The following SLCO3A1 variants were observed in gnomAD, a reference collection of about 807,000 sequenced individuals.
The protein encoded by SLCO3A1 is solute carrier organic anion transporter family member 3A1, also known as PGE1 transporter.
Under a neutral mutation model 63.1 loss-of-function variants are expected in SLCO3A1, and 27 were observed. That is an observed-to-expected ratio of 0.43 (90% CI 0.32 to 0.59). SLCO3A1 has a LOEUF of 0.59. SLCO3A1 is among the 20% of genes least tolerant of loss of function. SLCO3A1 has a pLI of 0.09. For missense variants in SLCO3A1, 773 were observed against 945.8 expected (o/e 0.82, Z 2.40); for synonymous variants, 473 against 409.9 (o/e 1.15, Z -1.86).
intron 2 of SLCO3A1, among the ~76,000 whole-genome samples, chr15:92,080,630 C>T (rs962646335): frequency 6.6e-6 from 1 of 152,178 alleles, no homozygotes; most frequent in African/African-American, 2.4e-5. Context: ...CATGCCCATA[C>T]CAGACAGCAG....
In SLCO3A1 at chr15:91,897,454, A is replaced by G. The variant is rs769660213; in HGVS notation, c.181-18539A>G. Among the ~76,000 whole-genome samples, 3 of 152,140 alleles carry G rather than the reference A, an allele frequency of 2.0e-5. No individual in the cohort carries two copies. The highest frequency in any genetic ancestry group is 2.9e-5 in the Non-Finnish European group (2 of 68,028). ...CAATGGAGCGAGACTCTGTCTAAAA[A>G]CAAACAAACAAACAAACCCCCAAAA... On this transcript the variant is annotated intron_variant, in intron 1 of 9. Transcript: ENST00000318445. The surrounding 1 kb of genome is among the most constrained non-coding windows in gnomAD (Gnocchi z 4.7).
intron 2 of SLCO3A1, among the ~76,000 whole-genome samples, chr15:91,926,596 T>TGTGTGTGTGTGTGTGTGCGCGCGCGCGC: frequency 1.3e-4 from 14 of 105,302 alleles, no homozygotes; most frequent in African/African-American, 5.1e-4. Flanking sequence ...TGTGTGTGTG[T>TGTGTGTGTGTGTGTGTGCGCGCGCGCGC]GCGCGCGCGC....
At chr15:92,063,896 T>C (rs1005159159) in intron 2 of SLCO3A1, among the ~76,000 whole-genome samples, 10 of 152,088 alleles carry the variant, frequency 6.6e-5, no homozygotes, top group Admixed American at 6.5e-4. Flanking sequence ...AGGCATTGTT[T>C]TATTGTTGTT....
In SLCO3A1 at chr15:91,859,081, G is replaced by A. The variant is rs141045157; in HGVS notation, c.180+4993G>A. On this transcript the variant is annotated intron_variant, in intron 1 of 9. Coordinates refer to ENST00000318445, the MANE Select transcript of SLCO3A1 (RefSeq NM_013272.4). This position sits in a 1 kb window ranked among gnomAD's most constrained non-coding sequence, Gnocchi z 5.1. Reference sequence around the variant, plus strand: ...TATGTACTCTATTCTGTACATTGCCGCATGCATTGCATATTTACATACGTG... The same window carrying A: ...TATGTACTCTATTCTGTACATTGCCACATGCATTGCATATTTACATACGTG... 4.0e-3 allele frequency among the ~76,000 whole-genome samples: 616 copies of A among 152,254 alleles called. 2 individuals carry two copies. Among genetic ancestry groups the A allele is most frequent in the African/African-American group, 0.013 (556 of 41,536 alleles).
At chr15:92,093,675 G>T in intron 2 of SLCO3A1, among the ~76,000 whole-genome samples, 1 of 152,154 alleles carries the variant, frequency 6.6e-6, no homozygotes, top group Non-Finnish European at 1.5e-5. Flanking sequence ...TTACTGGTTG[G>T]TTCAATGCTG....
intron 2 of SLCO3A1, among the ~76,000 whole-genome samples, chr15:91,921,195 C>T (rs1277028419): frequency 1.3e-5 from 2 of 152,190 alleles, no homozygotes; most frequent in Non-Finnish European, 2.9e-5. Flanking sequence ...CTACCTGTGT[C>T]CTCACGTGGT....
intron 1 of SLCO3A1, chr15:91,908,631 A>C (rs1346243565): frequency 6.6e-6 from 1 of 152,166 alleles, no homozygotes; most frequent in Non-Finnish European, 1.5e-5. Context: ...CTGCTGCTTC[A>C]TCATGGGGAA....
chr15:92,052,086 G>A (rs757762702), intron 2 of SLCO3A1, among the ~76,000 whole-genome samples: 2 of 152,100 alleles, frequency 1.3e-5, no homozygotes, highest in Non-Finnish European at 2.9e-5. Flanking sequence ...CACACTGCCC[G>A]TGTCCCTGCT....
intron 2 of SLCO3A1, among the ~76,000 whole-genome samples, chr15:91,932,177 A>T (rs1031115086): frequency 2.0e-4 from 31 of 152,176 alleles, no homozygotes; most frequent in Admixed American, 2.0e-3. Context: ...GTGCAAAGTC[A>T]TACCTCCTAG....
intron 9 of SLCO3A1, among the ~76,000 whole-genome samples, chr15:92,153,214 C>T (rs575984334): frequency 6.6e-6 from 1 of 151,380 alleles, no homozygotes; most frequent in African/African-American, 2.4e-5. Context: ...CCAGTACGCA[C>T]ATGCCTATGC....
rs1013992729 is a variant in SLCO3A1, at chr15:91,882,191, C to A, written c.180+28103C>A. Among the ~76,000 whole-genome samples the A allele has an allele frequency of 2.0e-5, 3 of 152,174 alleles. No homozygotes were observed. The highest frequency in any genetic ancestry group is 6.5e-5 in the Admixed American group (1 of 15,284). On this transcript the variant is annotated intron_variant, in intron 1 of 9. Transcript: ENST00000318445. This position sits in a 1 kb window ranked among gnomAD's most constrained non-coding sequence, Gnocchi z 4.4. ...ACGCTTAGCATGGTAATAGTGAGAT[C>A]TATGCACAGGAGGGGGCATGTGAGG... is the stretch of plus-strand genomic sequence containing the variant.
At chr15:92,014,798 C>G (rs989552900) in intron 2 of SLCO3A1, among the ~76,000 whole-genome samples, 1 of 151,938 alleles carries the variant, frequency 6.6e-6, no homozygotes, top group African/African-American at 2.4e-5. Flanking sequence ...GTTTTCAGGT[C>G]CCAAGCATTC....
intron 10 of SLCO3A1, chr15:92,171,582 A>C (rs1182556844): frequency 1.9e-6 from 1 of 537,854 alleles, no homozygotes; most frequent in East Asian, 3.0e-5. Flanking sequence ...TTTGGCCTTC[A>C]AAAAAGTCTC....
chr15:92,036,568 A>G (rs1003549140), intron 2 of SLCO3A1, among the ~76,000 whole-genome samples: 2 of 152,158 alleles, frequency 1.3e-5, no homozygotes, highest in African/African-American at 4.8e-5. Context: ...TGCCTCCTTC[A>G]AAGCCACAGT....
intron 1 of SLCO3A1, among the ~76,000 whole-genome samples, chr15:91,858,958 T>C (rs1366142028): frequency 6.6e-6 from 1 of 152,250 alleles, no homozygotes; most frequent in Non-Finnish European, 1.5e-5. Context: ...ACTAGCTGCA[T>C]TTCTCTGGCT....
chr15:92,012,875 G>T (rs939464853), intron 2 of SLCO3A1, among the ~76,000 whole-genome samples: 6 of 151,990 alleles, frequency 3.9e-5, no homozygotes, highest in East Asian at 3.9e-4. Flanking sequence ...ATACAAAGAT[G>T]AATAACTTCA....
intron 9 of SLCO3A1, among the ~76,000 whole-genome samples, chr15:92,154,180 A>AAT (rs2048343295): frequency 6.6e-6 from 1 of 152,218 alleles, no homozygotes; most frequent in Non-Finnish European, 1.5e-5. Flanking sequence ...AGGGTTGAGA[A>AAT]ATAAAAGGAG....
chr15:92,044,061 C>G (rs933596906), intron 2 of SLCO3A1, among the ~76,000 whole-genome samples: 2 of 152,154 alleles, frequency 1.3e-5, no homozygotes, highest in Non-Finnish European at 2.9e-5. Flanking sequence ...CTACTCTTGC[C>G]GTAACTGTAT....
In SLCO3A1 at chr15:91,854,809, C is replaced by G. The variant is rs1345693955; in HGVS notation, c.180+721C>G. Among the ~76,000 whole-genome samples the G allele has an allele frequency of 6.6e-6, 1 of 152,176 alleles. No homozygotes were observed. Among genetic ancestry groups the G allele is most frequent in the East Asian group, 1.9e-4 (1 of 5,168 alleles). ...GTCTGTCGCCTACAGAAGGTTGCAC[C>G]ATTTTCCACAATGAATATGTATTTT... On this transcript the variant is annotated intron_variant, in intron 1 of 9. Transcript: ENST00000318445. The surrounding 1 kb of genome is among the most constrained non-coding windows in gnomAD (Gnocchi z 6.4).
Sources: gnomAD v4.1 joint callset for allele counts (sites outside exome capture counted in the v4.1 genomes callset) on GRCh38, gnomAD v4.1.1 for gene constraint, Gnocchi (gnomAD v3.1) non-coding constraint, MANE v1.5 for transcripts, NCBI Gene and HGNC (gene_info 2026-07-23, HGNC 2026-07-21) for gene names.